Variants in PXK observed in about 807,000 individuals in gnomAD.
The protein encoded by PXK is PX domain containing serine/threonine kinase like, also known as PX domain-containing protein kinase-like protein.
In PXK, 35 loss-of-function variants were observed where a neutral mutation model predicts 84.7. The observed-to-expected ratio is 0.41, with a 90% CI of 0.32 to 0.55. PXK has a LOEUF of 0.55. PXK is among the 20% of genes least tolerant of loss of function. The pLI is 0.21. For missense variants in PXK, 634 were observed against 699.7 expected, an observed-to-expected ratio of 0.91 and a Z score of 1.06; for synonymous variants, 253 against 260.8, an observed-to-expected ratio of 0.97 and a Z score of 0.29.
At chr3:58,347,309 T>C (rs1380155249) in intron 1 of PXK, among the ~76,000 whole-genome samples, 2 of 152,200 alleles carry the variant, frequency 1.3e-5, no homozygotes, top group African/African-American at 4.8e-5. Flanking sequence ...AAGTATACAA[T>C]TTGATAAATC....
At chr3:58,343,419 G>A (rs1276006843) in intron 1 of PXK, among the ~76,000 whole-genome samples, 1 of 152,240 alleles carries the variant, frequency 6.6e-6, no homozygotes, top group African/African-American at 2.4e-5. Context: ...TGACCATGTA[G>A]CCCACCATAT....
At chr3:58,392,985 T>G (rs1372451347) in intron 7 of PXK, among the ~76,000 whole-genome samples, 5 of 152,020 alleles carry the variant, frequency 3.3e-5, no homozygotes, top group Admixed American at 6.6e-5. Flanking sequence ...TAGAAGTGCT[T>G]CTTTAAAAAA....
chr3:58,422,457 G>A lies in PXK; in HGVS notation c.1529-2295G>A, dbSNP rs867792235. On this transcript the variant is annotated intron_variant, in intron 17 of 17. Coordinates refer to ENST00000356151, the MANE Select transcript of PXK (RefSeq NM_017771.5). ...GGGAGATCCTGCTGCCTGTCCTTTC[G>A]TTCCATCTGCTTTACTGGAGCCCTG... The A allele has an allele frequency of 7.1e-5, 70 of 985,394 alleles. 1 individual carries two copies. The Middle Eastern group carries it at 3.7e-3, about 51-fold the overall frequency. 61.0% of individuals were successfully genotyped at this position (985,394 alleles called of 1,614,324 possible).
At chr3:58,337,698 G>A (rs1408409262) in intron 1 of PXK, among the ~76,000 whole-genome samples, 1 of 152,094 alleles carries the variant, frequency 6.6e-6, no homozygotes, top group Non-Finnish European at 1.5e-5. Context: ...TCAAACTCCT[G>A]AGTTCAAGTG....
At chr3:58,420,509 TTC>T (rs780468782) in intron 17 of PXK, 48 of 1,524,650 alleles carry the variant, frequency 3.1e-5, no homozygotes, top group Middle Eastern at 1.7e-4. Context: ...TGTCCCCCCT[TTC>T]TCTCTCTCTC....
chr3:58,394,891 C>A, intron 7 of PXK, 107 bp from the exon 8 acceptor site: 1 of 749,590 alleles, frequency 1.3e-6, no homozygotes, highest in Non-Finnish European at 2.3e-6. Context: ...CATTCGTATG[C>A]AATTAAACCA....
Position 58,391,778 on chromosome 3 carries a change from C to A in PXK, c.546C>A (p.Asp182Glu), listed in dbSNP as rs899345741. ...ATTCCCTTCCATGTTTTCAGGCTGA[C>A]CTTGGCCCAGACAAGTATTTGTCAG... ...PKERLVLSWA[D>E]LGPDKYLSDK... The change falls in exon 7 of 18, where the codon GAC becomes GAA. Residue 182 changes from aspartate to glutamate, a missense_variant. Asp to Glu is a conservative substitution (Grantham distance 45, BLOSUM62 2). Transcript: ENST00000356151. 2 of 1,613,080 alleles carry A rather than the reference C, an allele frequency of 1.2e-6. No homozygotes were observed. The highest frequency in any genetic ancestry group is 2.7e-5 in the African/African-American group (2 of 74,888).
rs2098348213 is a variant in PXK, at chr3:58,370,387, AC to A, written c.201+912del. ...TAGCACCTTAGGAAGTCCTGCCAAT[AC>A]CCGCCATGTCTTCACTTGGCAGGCT... is the stretch of plus-strand genomic sequence containing the variant. On this transcript the variant is annotated intron_variant, in intron 3 of 17. Coordinates refer to ENST00000356151, the MANE Select transcript of PXK (RefSeq NM_017771.5). The surrounding 1 kb of genome is among the most constrained non-coding windows in gnomAD (Gnocchi z 4.2). Among the ~76,000 whole-genome samples the A allele has an allele frequency of 6.6e-6, 1 of 151,924 alleles. No homozygotes were observed. Among genetic ancestry groups the A allele is most frequent in the Non-Finnish European group, 1.5e-5 (1 of 67,912 alleles).
At chr3:58,359,518 A>G (rs1186949091) in intron 1 of PXK, among the ~76,000 whole-genome samples, 1 of 150,282 alleles carries the variant, frequency 6.7e-6, no homozygotes, top group Non-Finnish European at 1.5e-5. Flanking sequence ...CCACAGAGTG[A>G]GACTCTGTCT....
intron 13 of PXK, 48 bp downstream of exon 13, chr3:58,403,958 C>G (rs1307600616): frequency 7.7e-7 from 1 of 1,293,710 alleles, no homozygotes; most frequent in Non-Finnish European, 1.0e-6. Context: ...ACTAAGTTGA[C>G]TTTGAAAGTT....
intron 17 of PXK, chr3:58,413,807 G>T (rs2060568978): frequency 6.6e-6 from 1 of 152,044 alleles, no homozygotes; most frequent in African/African-American, 2.4e-5. Context: ...GAGAATCATT[G>T]GCAGGGAGTT....
In PXK at chr3:58,421,868, C is replaced by T. The variant is rs968921129; in HGVS notation, c.1529-2884C>T. 2.0e-6 allele frequency: 2 copies of T among 985,300 alleles called. No homozygotes were observed. Among genetic ancestry groups the T allele is most frequent in the African/African-American group, 3.5e-5 (2 of 57,224 alleles). 61.0% of individuals were successfully genotyped at this position (985,300 alleles called of 1,614,324 possible). Reference sequence around the variant, plus strand: ...GTAACTGAAGGTAAGCTGTTTGCAGCATCCCCCTTCCTGGGTGCAAATTCA... The same window carrying T: ...GTAACTGAAGGTAAGCTGTTTGCAGTATCCCCCTTCCTGGGTGCAAATTCA... On this transcript the variant is annotated intron_variant, in intron 17 of 17. Transcript: ENST00000356151. This position sits in a 1 kb window ranked among gnomAD's most constrained non-coding sequence, Gnocchi z 5.5.
intron 13 of PXK, among the ~76,000 whole-genome samples, chr3:58,406,826 G>A (rs867968726): frequency 1.3e-5 from 2 of 152,050 alleles, no homozygotes; most frequent in Non-Finnish European, 2.9e-5. Context: ...TCCTTTTGTG[G>A]ATCATTTATT....
At chr3:58,339,744 C>T (rs190348092) in intron 1 of PXK, among the ~76,000 whole-genome samples, 57 of 152,288 alleles carry the variant, frequency 3.7e-4, no homozygotes, top group Admixed American at 6.5e-4. Context: ...CCCTAGGGAA[C>T]AGTGGAAAGA....
chr3:58,392,941 T>A (rs2098645946), intron 7 of PXK, among the ~76,000 whole-genome samples: 1 of 152,078 alleles, frequency 6.6e-6, no homozygotes, highest in African/African-American at 2.4e-5. Context: ...ATGACAGGTG[T>A]GAGCCACCGC....
chr3:58,401,044 T>G lies in PXK; in HGVS notation c.1181+1667T>G, dbSNP rs377200777. Among the ~76,000 whole-genome samples, 29 of 152,366 alleles carry G rather than the reference T, an allele frequency of 1.9e-4. No individual in the cohort carries two copies. The East Asian group carries it at 4.2e-3, about 22-fold the overall frequency. On this transcript the variant is annotated intron_variant, in intron 12 of 17. Coordinates refer to ENST00000356151, the MANE Select transcript of PXK (RefSeq NM_017771.5). The surrounding 1 kb of genome is among the most constrained non-coding windows in gnomAD (Gnocchi z 4.4). The stretch of plus-strand genomic sequence containing the variant: ...TATATACAGGTTGATTTACTTGAGT[T>G]TGCATTTACACTCCCCATTCCAAAG...
intron 3 of PXK, among the ~76,000 whole-genome samples, chr3:58,374,516 G>A (rs2098421541): frequency 6.6e-6 from 1 of 152,110 alleles, no homozygotes; most frequent in South Asian, 2.1e-4. Flanking sequence ...TAGAACTCCG[G>A]GGACTCCTCT....
chr3:58,377,961 G>A (rs953500622), intron 3 of PXK, among the ~76,000 whole-genome samples: 2 of 152,302 alleles, frequency 1.3e-5, no homozygotes, highest in East Asian at 1.9e-4. Context: ...CCCAGAGTGG[G>A]GTGAAGGTCA....
chr3:58,341,711 C>CTTTTCTT (rs1553742357), intron 1 of PXK, among the ~76,000 whole-genome samples: 1 of 147,134 alleles, frequency 6.8e-6, no homozygotes, highest in African/African-American at 2.5e-5. Flanking sequence ...CTTTTCTTTT[C>CTTTTCTT]TTTTTTTTTT....
Sources: gnomAD v4.1 joint callset for allele counts (sites outside exome capture counted in the v4.1 genomes callset) on GRCh38, gnomAD v4.1.1 for gene constraint, Gnocchi (gnomAD v3.1) non-coding constraint, MANE v1.5 for transcripts, NCBI Gene and HGNC (gene_info 2026-07-23, HGNC 2026-07-21) for gene names.